Variants in CLN3 observed in about 807,000 individuals in gnomAD.
The protein encoded by CLN3 is CLN3 lysosomal/endosomal transmembrane protein, battenin, also known as battenin.
CLN3 carries 49 observed loss-of-function variants against 60.7 expected under a neutral mutation model. The ratio of observed to expected loss-of-function variants is 0.81; its 90% CI spans 0.64 to 1.02. The LOEUF (loss-of-function observed/expected upper bound fraction) is 1.02, where lower values mean the gene tolerates loss of function less well. Ranked by LOEUF, CLN3 falls within the 50% of genes least tolerant of loss-of-function variation. CLN3 has a pLI of 0.00. For missense variants in CLN3, 516 were observed against 557.4 expected (o/e 0.93, Z 0.75); for synonymous variants, 256 against 245.8 (o/e 1.04, Z -0.39).
At chr16:28,478,617 TAAAA>T (rs766238150) in intron 14 of CLN3, among the ~76,000 whole-genome samples, 5 of 74,356 alleles carry the variant, frequency 6.7e-5, no homozygotes, top group African/African-American at 3.8e-4. Context: ...TCCTGTCTCA[TAAAA>T]AAAAAAAAAA....
Position 28,492,046 on chromosome 16 carries a change from C to G in CLN3, c.-103G>C, listed in dbSNP as rs1567265190. On this transcript the variant is annotated 5_prime_UTR_variant, in exon 1 of 16. Coordinates refer to ENST00000636147, the MANE Select transcript of CLN3 (RefSeq NM_001042432.2). ...TTTAAGAGCAGCAGAATGTTCTGCACTATGCAGAGGCCGTTTGTCGGATCA... is the reference window on the plus strand; with the variant it reads ...TTTAAGAGCAGCAGAATGTTCTGCAGTATGCAGAGGCCGTTTGTCGGATCA... 1 of 553,790 alleles carries G rather than the reference C, an allele frequency of 1.8e-6. No homozygotes were observed. The highest frequency in any genetic ancestry group is 3.3e-6 in the Non-Finnish European group (1 of 307,538). The allele number at this position is 553,790 out of a possible 1,614,324, so 34.3% of individuals were successfully genotyped here.
chr16:28,473,193 CT>C (rs2045966018), downstream of CLN3, among the ~76,000 whole-genome samples: 2 of 151,560 alleles, frequency 1.3e-5, no homozygotes, highest in Admixed American at 1.3e-4. Flanking sequence ...CAACCTCCAC[CT>C]CTCGGGCTCA....
At chr16:28,490,302 T>A (rs1304528829) in intron 3 of CLN3, 1 of 151,104 alleles carries the variant, frequency 6.6e-6, no homozygotes, top group Non-Finnish European at 1.5e-5. Flanking sequence ...AAATTAGCTG[T>A]GTCTGGTGGC....
chr16:28,482,789 C>T, intron 10 of CLN3, 117 bp from the exon 11 acceptor site: 2 of 1,086,816 alleles, frequency 1.8e-6, no homozygotes, highest in Non-Finnish European at 2.8e-6. Context: ...CACTTCCATG[C>T]CACTGGATTG....
chr16:28,471,757 G>A (rs1250219384), downstream of CLN3, among the ~76,000 whole-genome samples: 2 of 142,560 alleles, frequency 1.4e-5, no homozygotes, highest in East Asian at 2.0e-4. Context: ...ATCCGAAACC[G>A]AGTGATGATG....
chr16:28,473,218 C>T (rs1002544742), downstream of CLN3, among the ~76,000 whole-genome samples: 24 of 152,302 alleles, frequency 1.6e-4, no homozygotes, highest in African/African-American at 3.1e-4. Flanking sequence ...AATTCTCCCG[C>T]CTCAGCCTCC....
At chr16:28,487,787 AC>A (rs755820065) in intron 5 of CLN3, 46 bp from the exon 6 acceptor site, 1 of 1,503,172 alleles carries the variant, frequency 6.7e-7, no homozygotes, top group Non-Finnish European at 9.2e-7. Context: ...CCAGGGGACA[AC>A]CCTCCCAACC....
downstream of CLN3, among the ~76,000 whole-genome samples, chr16:28,472,287 A>G (rs948182874): frequency 6.6e-6 from 1 of 150,478 alleles, no homozygotes; most frequent in African/African-American, 2.4e-5. Flanking sequence ...TGTGGTGGCT[A>G]ATTGGGAGGC....
At chr16:28,481,460 A>G (rs746132991) in intron 14 of CLN3, among the ~76,000 whole-genome samples, 98 of 148,886 alleles carry the variant, frequency 6.6e-4, no homozygotes, top group Non-Finnish European at 9.9e-4. Flanking sequence ...ACACGCACAC[A>G]CACACACACA....
At chr16:28,486,286 C>G in intron 9 of CLN3, 61 bp downstream of exon 9, 9 of 1,605,688 alleles carry the variant, frequency 5.6e-6, no homozygotes, top group Non-Finnish European at 7.6e-6. Flanking sequence ...GCCACCACAC[C>G]CAGCCATGGC....
downstream of CLN3, among the ~76,000 whole-genome samples, chr16:28,470,011 A>C (rs1289874121): frequency 8.1e-5 from 12 of 147,558 alleles, no homozygotes; most frequent in Non-Finnish European, 1.2e-4. Flanking sequence ...GATGACACAA[A>C]TCAAATGACA....
downstream of CLN3, among the ~76,000 whole-genome samples, chr16:28,470,750 C>G (rs1442020052): frequency 6.6e-6 from 1 of 150,580 alleles, no homozygotes; most frequent in East Asian, 2.0e-4. Context: ...GGAAAGGATC[C>G]GGTTCAAATT....
intron 14 of CLN3, among the ~76,000 whole-genome samples, chr16:28,479,026 G>A (rs990866216): frequency 8.5e-5 from 13 of 152,198 alleles, no homozygotes; most frequent in Admixed American, 3.9e-4. Context: ...AGGAGCCACC[G>A]CACCTGGCCA....
chr16:28,478,352 A>G (rs1003699428), intron 14 of CLN3, among the ~76,000 whole-genome samples: 2 of 151,246 alleles, frequency 1.3e-5, no homozygotes, highest in African/African-American at 4.9e-5. Flanking sequence ...GCAGTGGCTC[A>G]TGCAGGTAAT....
At chr16:28,477,166 A>C (rs188379557), downstream of CLN3, 22 of 336,960 alleles carry the variant, frequency 6.5e-5, no homozygotes, top group South Asian at 3.2e-4. Context: ...AACAAACAAA[A>C]AAGGGAGAAA....
downstream of CLN3, chr16:28,469,953 C>T (rs1354891909): frequency 3.5e-6 from 1 of 281,982 alleles, no homozygotes; most frequent in East Asian, 1.1e-4. Flanking sequence ...GCCTGGGCGA[C>T]AGAGTGAGAC....
chr16:28,478,444 C>T (rs1323727018), intron 14 of CLN3, among the ~76,000 whole-genome samples: 3 of 151,564 alleles, frequency 2.0e-5, no homozygotes, highest in East Asian at 1.9e-4. Flanking sequence ...AACAAAACTC[C>T]GTCTCTACAA....
intron 9 of CLN3, chr16:28,484,627 G>C: frequency 5.1e-6 from 1 of 195,602 alleles, no homozygotes; most frequent in Non-Finnish European, 1.1e-5. Context: ...TGGGATTACA[G>C]CTGTGAGCCA....
chr16:28,470,792 A>G (rs2045945203), downstream of CLN3, among the ~76,000 whole-genome samples: 2 of 147,640 alleles, frequency 1.4e-5, no homozygotes, highest in South Asian at 4.5e-4. Context: ...AGGTTTAGCT[A>G]CAGGTCACGG....
Sources: allele counts gnomAD v4.1 joint callset (sites outside exome capture counted in the v4.1 genomes callset), GRCh38; gene constraint gnomAD v4.1.1; transcripts MANE v1.5; gene names NCBI Gene and HGNC (gene_info 2026-07-23, HGNC 2026-07-21).